The following SPATC1 variants were observed in gnomAD, a reference collection of about 807,000 sequenced individuals.
SPATC1 encodes the protein spermatogenesis and centriole associated 1, also known as speriolin.
A neutral mutation model predicts 36.5 loss-of-function variants in SPATC1; 35 were observed. The observed-to-expected ratio is 0.96, with a 90% CI of 0.73 to 1.27. The LOEUF (loss-of-function observed/expected upper bound fraction) is 1.27. SPATC1 is among the 50% of genes most tolerant of loss of function. The pLI is 0.00. For missense variants in SPATC1, 779 were observed against 796.0 expected (o/e 0.98, Z 0.26); for synonymous variants, 361 against 353.6 (o/e 1.02, Z -0.24).
intron 1 of SPATC1, among the ~76,000 whole-genome samples, chr8:144,035,642 C>G (rs1366998326): frequency 6.6e-6 from 1 of 152,240 alleles, no homozygotes; most frequent in Non-Finnish European, 1.5e-5. Flanking sequence ...GGGACGAGAC[C>G]ATGGCCTGTC....
intron 1 of SPATC1, among the ~76,000 whole-genome samples, chr8:144,030,186 G>A (rs1007900116): frequency 1.6e-4 from 24 of 151,944 alleles, no homozygotes; most frequent in Non-Finnish European, 2.6e-4. Context: ...TGTGTCTTTC[G>A]ATCTAAAGTG....
chr8:144,018,695 C>T (rs1051275006), intron 1 of SPATC1, among the ~76,000 whole-genome samples: 5 of 151,732 alleles, frequency 3.3e-5, no homozygotes, highest in African/African-American at 1.2e-4. Context: ...TTCAAATGTT[C>T]TTCTCTGAGA....
chr8:144,042,669 G>A (rs1344569516), intron 4 of SPATC1, among the ~76,000 whole-genome samples: 1 of 152,090 alleles, frequency 6.6e-6, no homozygotes, highest in Non-Finnish European at 1.5e-5. Flanking sequence ...AAGCTGTCTT[G>A]AAACCAAGTT....
intron 1 of SPATC1, among the ~76,000 whole-genome samples, chr8:144,026,795 ATTTC>A (rs1361649607): frequency 0.031 from 4,499 of 144,758 alleles, 255 homozygotes; most frequent in African/African-American, 0.11. Context: ...TATTTTTTTA[ATTTC>A]TTTCTTTTTC....
rs1834295321 is a variant in SPATC1 at position 144,012,415 on chromosome 8, G to C, written c.-101G>C. 4.8e-6 allele frequency: 5 copies of C among 1,045,010 alleles called. No homozygotes were observed. The highest frequency in any genetic ancestry group is 4.3e-6 in the Non-Finnish European group (3 of 703,534). 64.7% of individuals were successfully genotyped at this position (1,045,010 alleles called of 1,614,324 possible). ...CAGGGCCCACTGGGCCAGCCTTGCA[G>C]ACTCTGCACCCTCCTTCAGCCCAGG... is the stretch of plus-strand genomic sequence containing the variant. On this transcript the variant is annotated 5_prime_UTR_variant, in exon 1 of 5. Coordinates refer to ENST00000377470, the MANE Select transcript of SPATC1 (RefSeq NM_198572.3).
rs782082883 is a variant in SPATC1, at chr8:144,016,544, G to A, written c.211+3818G>A. On this transcript the variant is annotated intron_variant, in intron 1 of 4. Transcript: ENST00000377470. The surrounding 1 kb of genome is among the most constrained non-coding windows in gnomAD (Gnocchi z 4.5). ...GAGGCATCAGATCACCAAGGACTGC[G>A]GATGACATGCTGAGGGGCTTGGACT... Among the ~76,000 whole-genome samples the A allele has an allele frequency of 1.3e-5, 2 of 152,138 alleles. No homozygotes were observed. The highest frequency in any genetic ancestry group is 2.4e-5 in the African/African-American group (1 of 41,430).
chr8:144,038,873 G>A (rs1053821661), intron 1 of SPATC1, among the ~76,000 whole-genome samples: 5 of 152,122 alleles, frequency 3.3e-5, no homozygotes, highest in Non-Finnish European at 5.9e-5. Context: ...CGGCAGGCTT[G>A]AGCGGTTGCA....
chr8:144,042,430 C>T (rs1835140635), intron 4 of SPATC1, among the ~76,000 whole-genome samples: 1 of 148,250 alleles, frequency 6.7e-6, no homozygotes, highest in East Asian at 2.0e-4. Context: ...AGCAATTCTC[C>T]TGCCTCAGCC....
At chr8:144,039,852 C>T in intron 1 of SPATC1, 57 bp from the exon 2 acceptor site, 3 of 1,550,950 alleles carry the variant, frequency 1.9e-6, no homozygotes, top group South Asian at 1.2e-5. Context: ...TGTGACCACC[C>T]TCGCCGTGGT....
At chr8:144,017,819 A>G (rs1261150336) in intron 1 of SPATC1, among the ~76,000 whole-genome samples, 1 of 152,176 alleles carries the variant, frequency 6.6e-6, no homozygotes, top group African/African-American at 2.4e-5. Context: ...CAAATGTTAG[A>G]GGTGAGCCTG....
chr8:144,019,713 G>T (rs1834465631), intron 1 of SPATC1, among the ~76,000 whole-genome samples: 1 of 152,014 alleles, frequency 6.6e-6, no homozygotes, highest in Non-Finnish European at 1.5e-5. Flanking sequence ...GTCAGACCTG[G>T]CTCCTCCACA....
chr8:144,033,918 C>T (rs1428015799), intron 1 of SPATC1, among the ~76,000 whole-genome samples: 12 of 152,214 alleles, frequency 7.9e-5, no homozygotes, highest in African/African-American at 2.7e-4. Context: ...AGGAAGGAGA[C>T]GGCAAGGAAT....
rs1270757884 is a variant in SPATC1 at position 144,041,855 on chromosome 8, TTGCAGGCCTGTG to T, written c.1446+487_1446+498del. On this transcript the variant is annotated intron_variant, in intron 4 of 4. Coordinates refer to ENST00000377470, the MANE Select transcript of SPATC1 (RefSeq NM_198572.3). ...CTCTCCAGCTGTGTTTATCTGTGGA[TTGCAGGCCTGTG>T]TGTAGCCTAAGCGGGAGCTACTGTG... The T allele has an allele frequency of 9.1e-6, 6 of 661,602 alleles. No homozygotes were observed. The Admixed American group carries it at 1.9e-4, about 21-fold the overall frequency. 41.0% of individuals were successfully genotyped at this position (661,602 alleles called of 1,614,324 possible).
At chr8:144,038,941 A>T (rs1834985654) in intron 1 of SPATC1, among the ~76,000 whole-genome samples, 1 of 152,166 alleles carries the variant, frequency 6.6e-6, no homozygotes, top group Non-Finnish European at 1.5e-5. Flanking sequence ...TTCACAGAAA[A>T]TGCTTGCCAA....
intron 1 of SPATC1, among the ~76,000 whole-genome samples, chr8:144,034,072 T>C (rs2133131016): frequency 6.6e-6 from 1 of 152,358 alleles, no homozygotes; most frequent in South Asian, 2.1e-4. Flanking sequence ...TCAATCTGAG[T>C]TCTTCCCCTC....
At chr8:144,037,855 G>A (rs1554755054) in intron 1 of SPATC1, among the ~76,000 whole-genome samples, 1 of 151,904 alleles carries the variant, frequency 6.6e-6, no homozygotes, top group African/African-American at 2.4e-5. Flanking sequence ...TTTTGGCCGG[G>A]CTCGGTGGCC....
Position 144,040,645 on chromosome 8 carries a change from C to G in SPATC1, c.844C>G (p.Gln282Glu). Residue 282 changes from glutamine to glutamate, a missense_variant, in exon 3 of 5, where the codon CAG (glutamine) becomes GAG (glutamate). Physicochemically the swap from Gln to Glu is conservative, Grantham distance 29. Coordinates refer to ENST00000377470, the MANE Select transcript of SPATC1 (RefSeq NM_198572.3). ...CATGGCGTTTGCAGGAGCACCCCTC[C>G]AGACCTCCACCCCTATCGGAGCCAT... ...LSMAFAGAPL[Q>E]TSTPIGAMGT... The G allele has an allele frequency of 6.2e-7, 1 of 1,613,630 alleles. No individual in the cohort carries two copies. The highest frequency in any genetic ancestry group is 2.2e-5 in the East Asian group (1 of 44,872).
chr8:144,027,495 G>A (rs1026066581), intron 1 of SPATC1, among the ~76,000 whole-genome samples: 7,918 of 152,256 alleles, frequency 0.052, 296 homozygotes, highest in Non-Finnish European at 0.08. Flanking sequence ...TGTGCCTTAG[G>A]TGTTATAGCT....
rs782758093 is a variant in SPATC1 at position 144,040,083 on chromosome 8, C to A, written c.386C>A (p.Ala129Glu). The change falls in exon 2 of 5, where the codon GCA (alanine) becomes GAA (glutamate). Residue 129 changes from alanine to glutamate, a missense_variant. Ala to Glu is a moderately radical substitution (Grantham distance 107). Coordinates refer to ENST00000377470, the MANE Select transcript of SPATC1 (RefSeq NM_198572.3). ...CTCAGCACGCTGCTGTCTGGCCCAG[C>A]ACCCACGTCACAGAGCAGCCCCCTC... ...GTLSTLLSGPAPTSQSSPLTS... is the reference protein window; with the variant it reads ...GTLSTLLSGPEPTSQSSPLTS... The A allele has an allele frequency of 6.9e-5, 112 of 1,612,176 alleles. No homozygotes were observed. The highest frequency in any genetic ancestry group is 7.7e-5 in the Non-Finnish European group (91 of 1,179,892).
Sources: allele counts gnomAD v4.1 joint callset (sites outside exome capture counted in the v4.1 genomes callset), GRCh38; gene constraint gnomAD v4.1.1; non-coding constraint Gnocchi (gnomAD v3.1); transcripts MANE v1.5; gene names NCBI Gene and HGNC (gene_info 2026-07-23, HGNC 2026-07-21).